Variants in FGD5 observed in about 807,000 individuals in gnomAD.
FGD5 encodes FYVE, RhoGEF and PH domain containing 5.
In FGD5, 28 loss-of-function variants were observed where a neutral mutation model predicts 133.4. The ratio of observed to expected loss-of-function variants is 0.21; its 90% confidence interval spans 0.16 to 0.29. The LOEUF (loss-of-function observed/expected upper bound fraction) is 0.29, where lower values mean the gene tolerates loss of function less well. Ranked by LOEUF, FGD5 falls within the 10% of genes least tolerant of loss-of-function variation. The pLI is 1.00. For synonymous variants in FGD5, 810 were observed against 776.5 expected (o/e 1.04, Z -0.72); for missense variants, 1,858 against 1,895.2 (o/e 0.98, Z 0.36).
rs776231624 is a variant in FGD5 at position 14,897,493 on chromosome 3, C to A, written c.2749-16C>A. The stretch of plus-strand genomic sequence containing the variant: ...GTCCTATCAACCTGTGGGTAACAGA[C>A]CTTTTGGTGTTTCAGGATTTCCATG... On this transcript the variant is annotated splice_polypyrimidine_tract_variant and intron_variant, in intron 4 of 19. Transcript: ENST00000285046. 3 of 1,598,532 alleles carry A rather than the reference C, an allele frequency of 1.9e-6. No individual in the cohort carries two copies. Among genetic ancestry groups the A allele is most frequent in the Non-Finnish European group, 2.6e-6 (3 of 1,172,612 alleles).
chr3:14,834,710 G>A (rs1475733581), intron 1 of FGD5, among the ~76,000 whole-genome samples: 1 of 152,158 alleles, frequency 6.6e-6, no homozygotes, highest in Non-Finnish European at 1.5e-5. Flanking sequence ...TAGGGGAGGT[G>A]GAAAATGGCT....
At chr3:14,827,033 C>T (rs150852766) in intron 1 of FGD5, among the ~76,000 whole-genome samples, 1 of 152,214 alleles carries the variant, frequency 6.6e-6, no homozygotes, top group Non-Finnish European at 1.5e-5. Flanking sequence ...AATAAAACTG[C>T]CTGTCTCTAT....
At chr3:14,862,123 C>T (rs115847104) in intron 1 of FGD5, among the ~76,000 whole-genome samples, 2,599 of 152,226 alleles carry the variant, frequency 0.017, 45 homozygotes, top group Non-Finnish European at 0.026. Flanking sequence ...AGGAGACACT[C>T]GGGTTTCTGG....
At chr3:14,843,450 C>T (rs998194559) in intron 1 of FGD5, among the ~76,000 whole-genome samples, 5 of 152,138 alleles carry the variant, frequency 3.3e-5, no homozygotes, top group Non-Finnish European at 7.4e-5. Context: ...TCCCTTTAGA[C>T]GCTCTCTCAG....
intron 2 of FGD5, 58 bp from the exon 3 acceptor site, chr3:14,880,514 G>A: frequency 6.4e-7 from 1 of 1,558,414 alleles, no homozygotes. Flanking sequence ...CAGCATGGTG[G>A]CCTCCTCTAG....
In FGD5 at chr3:14,859,453, G is replaced by A. The variant is rs150168741; in HGVS notation, c.2526-4675G>A. On this transcript the variant is annotated intron_variant, in intron 1 of 19. Coordinates refer to ENST00000285046, the MANE Select transcript of FGD5 (RefSeq NM_152536.4). ...TGCACCTGTAATCCCAGCTACTCGG[G>A]AGGCGGAGGCTCAAGAATCACTTGA... 2.2e-3 allele frequency among the ~76,000 whole-genome samples: 342 copies of A among 152,128 alleles called. 3 individuals carry two copies. Among genetic ancestry groups the A allele is most frequent in the Admixed American group, 8.3e-3 (127 of 15,284 alleles).
chr3:14,882,869 G>A (rs975273651), intron 4 of FGD5, among the ~76,000 whole-genome samples: 1 of 152,060 alleles, frequency 6.6e-6, no homozygotes, highest in East Asian at 1.9e-4. Context: ...AGACTTTGGG[G>A]CACTCTCCAC....
At chr3:14,848,039 C>T (rs2037084367) in intron 1 of FGD5, among the ~76,000 whole-genome samples, 3 of 152,152 alleles carry the variant, frequency 2.0e-5, no homozygotes, top group Admixed American at 1.3e-4. Context: ...CTCTGTCAGC[C>T]GCGGGGTGTG....
At chr3:14,905,952 C>T (rs1028812420) in intron 9 of FGD5, among the ~76,000 whole-genome samples, 4 of 151,988 alleles carry the variant, frequency 2.6e-5, no homozygotes, top group African/African-American at 9.7e-5. Flanking sequence ...CATGGCTGTT[C>T]ACGGTAGGGT....
chr3:14,886,123 C>A (rs1331173120), intron 4 of FGD5, among the ~76,000 whole-genome samples: 2 of 152,226 alleles, frequency 1.3e-5, no homozygotes, highest in Non-Finnish European at 2.9e-5. Flanking sequence ...TCTGCAGCAT[C>A]CATTTCCAAG....
chr3:14,919,065 T>G (rs947539219), intron 13 of FGD5, among the ~76,000 whole-genome samples: 2 of 152,184 alleles, frequency 1.3e-5, no homozygotes, highest in African/African-American at 4.8e-5. Context: ...TATATATAAC[T>G]TCAGGGGTTT....
intron 1 of FGD5, among the ~76,000 whole-genome samples, chr3:14,823,580 CTG>C (rs1031171808): frequency 7.2e-5 from 11 of 152,206 alleles, no homozygotes; most frequent in African/African-American, 1.7e-4. Context: ...GAAGAGGAAA[CTG>C]TGACACAGAG....
chr3:14,830,617 C>T (rs935265077), intron 1 of FGD5, among the ~76,000 whole-genome samples: 3 of 152,140 alleles, frequency 2.0e-5, no homozygotes, highest in South Asian at 2.1e-4. Context: ...TGGAGTTCTT[C>T]GGTGAAATGT....
At chr3:14,823,707 C>T (rs1456011213) in intron 1 of FGD5, among the ~76,000 whole-genome samples, 1 of 152,156 alleles carries the variant, frequency 6.6e-6, no homozygotes, top group Non-Finnish European at 1.5e-5. Context: ...GAGGGGATGC[C>T]AGGTCTGGTT....
At position 14,917,008 on chromosome 3, in the gene FGD5, T is replaced by G. The variant is rs1477367097; in HGVS notation, c.3406-241T>G. Among the ~76,000 whole-genome samples the G allele has an allele frequency of 6.6e-6, 1 of 152,240 alleles. No individual in the cohort carries two copies. Among genetic ancestry groups the G allele is most frequent in the East Asian group, 1.9e-4 (1 of 5,198 alleles). On this transcript the variant is annotated intron_variant, in intron 11 of 19. Coordinates refer to ENST00000285046, the MANE Select transcript of FGD5 (RefSeq NM_152536.4). This position sits in a 1 kb window ranked among gnomAD's most constrained non-coding sequence, Gnocchi z 4.1. The stretch of plus-strand genomic sequence containing the variant: ...TTCTGGCTGTTACAAATAAAGCCAC[T>G]ATGAACATACTCACACGACTTCTTG...
At chr3:14,927,474 A>G (rs2038826172) in intron 18 of FGD5, among the ~76,000 whole-genome samples, 1 of 146,026 alleles carries the variant, frequency 6.8e-6, no homozygotes, top group African/African-American at 2.8e-5. Context: ...AAATGAATGA[A>G]TGAATGAATG....
At chr3:14,871,455 G>A (rs1199945793) in intron 2 of FGD5, among the ~76,000 whole-genome samples, 2 of 152,222 alleles carry the variant, frequency 1.3e-5, no homozygotes, top group Non-Finnish European at 2.9e-5. Context: ...TGCACAGTGA[G>A]TGATGGAGCT....
rs372149660 is a variant in FGD5 at position 14,820,287 on chromosome 3, G to A, written c.1216G>A (p.Glu406Lys). 11 of 1,605,274 alleles carry A rather than the reference G, an allele frequency of 6.9e-6. No individual in the cohort carries two copies. In the African/African-American group the frequency reaches 9.4e-5, roughly 14 times the overall value. Residue 406 changes from glutamate to lysine, a missense_variant, in exon 1 of 20, where the codon GAG (glutamate) becomes AAG (lysine). Glu to Lys is a moderately conservative substitution (Grantham distance 56). Transcript: ENST00000285046. ...TGGCTCCCTACAGGGTGGAGCGGCC[G>A]AGGGTCCCGCAGCCCCTGATGTGGT... ...QCGSLQGGAA[E>K]GPAAPDVVVV...
Position 14,835,516 on chromosome 3 carries a change from G to T in FGD5, c.2525+13920G>T, listed in dbSNP as rs952046775. Among the ~76,000 whole-genome samples, 9 of 136,374 alleles carry T rather than the reference G, an allele frequency of 6.6e-5. 1 individual carries two copies. The highest frequency in any genetic ancestry group is 1.9e-4 in the African/African-American group (7 of 36,208). 89.5% of individuals were successfully genotyped at this position (136,374 alleles called of 152,430 possible). On this transcript the variant is annotated intron_variant, in intron 1 of 19. Transcript: ENST00000285046. Reference sequence around the variant, plus strand: ...CTCTGTCTCAAAAAAAAAAAGAAAAGAAAAGAAAAGAAAGCTGCACTACAA... The same window carrying T: ...CTCTGTCTCAAAAAAAAAAAGAAAATAAAAGAAAAGAAAGCTGCACTACAA...
Sources: gnomAD v4.1 joint callset for allele counts (sites outside exome capture counted in the v4.1 genomes callset) on GRCh38, gnomAD v4.1.1 for gene constraint, Gnocchi (gnomAD v3.1) non-coding constraint, MANE v1.5 for transcripts, NCBI Gene and HGNC (gene_info 2026-07-23, HGNC 2026-07-21) for gene names.